Variants in SMCO4 observed in about 807,000 individuals in gnomAD.
SMCO4 encodes single-pass membrane and coiled-coil domain-containing protein 4.
A neutral mutation model predicts 3.6 loss-of-function variants in SMCO4; 4 were observed. The ratio of observed to expected loss-of-function variants is 1.11; its 90% CI spans 0.54 to 2.53. SMCO4 has a LOEUF of 2.53. Ranked by LOEUF, SMCO4 falls within the 30% of genes most tolerant of loss-of-function variation. SMCO4 has a pLI of 0.02. For synonymous variants in SMCO4, 36 were observed against 35.3 expected, an observed-to-expected ratio of 1.02 and a Z score of -0.07; for missense variants, 70 against 80.8, an observed-to-expected ratio of 0.87 and a Z score of 0.51.
chr11:93,539,177 C>T (rs900162767), intron 1 of SMCO4, among the ~76,000 whole-genome samples: 9 of 152,096 alleles, frequency 5.9e-5, no homozygotes, highest in Non-Finnish European at 1.0e-4. Context: ...TCTAAAGAGC[C>T]TAGATCTCAC....
At chr11:93,509,836 A>G (rs918503827) in intron 1 of SMCO4, among the ~76,000 whole-genome samples, 17 of 152,190 alleles carry the variant, frequency 1.1e-4, no homozygotes, top group African/African-American at 4.1e-4. Context: ...GGATGGGAGC[A>G]GAGTGAGGGA....
chr11:93,547,432 C>A (rs1949322610), upstream of SMCO4, among the ~76,000 whole-genome samples: 2 of 152,202 alleles, frequency 1.3e-5, no homozygotes, highest in African/African-American at 4.8e-5. Flanking sequence ...TAAATGTCGT[C>A]TTCTCAGAGA....
intron 2 of SMCO4, among the ~76,000 whole-genome samples, chr11:93,490,067 G>A (rs1948696106): frequency 6.6e-6 from 1 of 152,240 alleles, no homozygotes; most frequent in African/African-American, 2.4e-5. Flanking sequence ...CCTGCCTTGA[G>A]GAAAGGCTGC....
chr11:93,519,949 T>C (rs1949042723), intron 1 of SMCO4, among the ~76,000 whole-genome samples: 12 of 152,198 alleles, frequency 7.9e-5, no homozygotes, highest in Admixed American at 7.9e-4. Flanking sequence ...GAGGAGTCAT[T>C]TGGCAGAGCC....
chr11:93,479,073 G>A lies in SMCO4; in HGVS notation c.117C>T (p.Ala39=), dbSNP rs776210014. 6.9e-5 allele frequency: 112 copies of A among 1,613,578 alleles called. No homozygotes were observed. Among genetic ancestry groups the A allele is most frequent in the African/African-American group, 4.1e-4 (31 of 74,898 alleles). ...ACACCACGATCAAGAGCACGACCAC[G>A]GCCAGCGTGGGCAGCACCACTGTAG... ...QITTVVLPTL[A]VVVLLIVVFV... The change falls in exon 3 of 3, where the codon GCC becomes GCT. Residue 39 remains alanine (A), a synonymous_variant. Coordinates refer to ENST00000298966, the MANE Select transcript of SMCO4 (RefSeq NM_020179.3).
intron 1 of SMCO4, among the ~76,000 whole-genome samples, chr11:93,516,786 T>G (rs1053320389): frequency 6.7e-6 from 1 of 149,680 alleles, no homozygotes; most frequent in Non-Finnish European, 1.5e-5. Flanking sequence ...CAAGACTCTG[T>G]CAAAAAAAAG....
At chr11:93,485,289 C>T (rs1948635700) in intron 2 of SMCO4, among the ~76,000 whole-genome samples, 1 of 152,236 alleles carries the variant, frequency 6.6e-6, no homozygotes, top group Non-Finnish European at 1.5e-5. Context: ...TAAGCCTTCA[C>T]AGCCCAGCCC....
intron 1 of SMCO4, among the ~76,000 whole-genome samples, chr11:93,513,483 G>A (rs1349473411): frequency 6.6e-6 from 1 of 152,242 alleles, no homozygotes; most frequent in Non-Finnish European, 1.5e-5. Flanking sequence ...AGCTGGAGAT[G>A]GGTTAGACTT....
intron 1 of SMCO4, among the ~76,000 whole-genome samples, chr11:93,503,748 A>G (rs773747716): frequency 1.3e-5 from 2 of 152,146 alleles, no homozygotes; most frequent in Non-Finnish European, 2.9e-5. Context: ...AGTGGAACAG[A>G]TTCTCCCCTA....
At chr11:93,535,263 C>A (rs747370350) in intron 1 of SMCO4, among the ~76,000 whole-genome samples, 3 of 152,200 alleles carry the variant, frequency 2.0e-5, no homozygotes, top group African/African-American at 2.4e-5. Flanking sequence ...CTTCCAGGTA[C>A]CACAATGCCA....
intron 1 of SMCO4, among the ~76,000 whole-genome samples, chr11:93,524,333 G>C (rs1233905986): frequency 6.6e-6 from 1 of 152,118 alleles, no homozygotes; most frequent in Non-Finnish European, 1.5e-5. Flanking sequence ...ACCCTACTGT[G>C]TACACGATCC....
chr11:93,550,656 C>T, the SMCO4 span, among the ~76,000 whole-genome samples: 1 of 152,046 alleles, frequency 6.6e-6, no homozygotes, highest in African/African-American at 2.4e-5. Context: ...GCCTGGGTGA[C>T]AGTGAGACCC....
intron 1 of SMCO4, among the ~76,000 whole-genome samples, chr11:93,533,427 C>T (rs957670792): frequency 1.7e-4 from 26 of 152,282 alleles, no homozygotes; most frequent in African/African-American, 5.5e-4. Flanking sequence ...CTATAAGCAA[C>T]ACATGGCAGT....
chr11:93,502,894 A>C (rs1360132594), intron 1 of SMCO4, among the ~76,000 whole-genome samples: 1 of 152,234 alleles, frequency 6.6e-6, no homozygotes, highest in Non-Finnish European at 1.5e-5. Context: ...TACTCCTTAC[A>C]CAGGCCAGCC....
chr11:93,495,273 AT>A (rs1486257824), intron 2 of SMCO4, among the ~76,000 whole-genome samples: 4 of 152,070 alleles, frequency 2.6e-5, no homozygotes, highest in Non-Finnish European at 4.4e-5. Flanking sequence ...CTTTGCTGGT[AT>A]TCCCATTACA....
intron 1 of SMCO4, among the ~76,000 whole-genome samples, chr11:93,534,360 A>G (rs1313777262): frequency 1.8e-5 from 1 of 56,350 alleles, no homozygotes; most frequent in East Asian, 5.2e-4. Flanking sequence ...ACACATACAT[A>G]TATATATATA....
At chr11:93,517,547 TCCA>T (rs2134617748) in intron 1 of SMCO4, among the ~76,000 whole-genome samples, 1 of 152,286 alleles carries the variant, frequency 6.6e-6, no homozygotes, top group African/African-American at 2.4e-5. Context: ...TGAAATCAAC[TCCA>T]ATTTCTCTAG....
At chr11:93,549,966 A>C in the SMCO4 span, among the ~76,000 whole-genome samples, 1 of 152,240 alleles carries the variant, frequency 6.6e-6, no homozygotes, top group Non-Finnish European at 1.5e-5. Flanking sequence ...GCCCATTTTC[A>C]TAAAGCTGTG....
At chr11:93,542,114 G>GGAA (rs1555080842) in intron 1 of SMCO4, among the ~76,000 whole-genome samples, 1 of 148,516 alleles carries the variant, frequency 6.7e-6, no homozygotes. Flanking sequence ...TTGTAAAGGG[G>GGAA]AAAAAAAAAA....
Sources: allele counts gnomAD v4.1 joint callset (sites outside exome capture counted in the v4.1 genomes callset), GRCh38; gene constraint gnomAD v4.1.1; transcripts MANE v1.5; gene names NCBI Gene and HGNC (gene_info 2026-07-23, HGNC 2026-07-21).